The following SRSF4 variants were observed in gnomAD, a reference collection of about 807,000 sequenced individuals.
The protein encoded by SRSF4 is serine and arginine rich splicing factor 4.
In SRSF4, 12 loss-of-function variants were observed where a neutral mutation model predicts 48.8. The observed-to-expected ratio is 0.25, with a 90% CI of 0.16 to 0.40. The LOEUF (loss-of-function observed/expected upper bound fraction) is 0.40, where lower values mean the gene tolerates loss of function less well. Among genes scored for constraint, SRSF4 ranks in the 10% least tolerant of loss-of-function variants. The probability of loss-of-function intolerance (pLI) is 1.00; values close to 1 mark genes in which losing one functional copy is unlikely to be tolerated. For synonymous variants in SRSF4, 248 were observed against 232.5 expected, an observed-to-expected ratio of 1.07 and a Z score of -0.61; for missense variants, 466 against 667.1, an observed-to-expected ratio of 0.70 and a Z score of 3.32.
chr1:29,155,648 T>C (rs1466723217), intron 3 of SRSF4, among the ~76,000 whole-genome samples: 6 of 151,898 alleles, frequency 4.0e-5, no homozygotes, highest in African/African-American at 1.5e-4. Context: ...CGCGCCACCA[T>C]ACCCAGCTGA....
At chr1:29,161,641 CAGG>C (rs1672597916) in intron 1 of SRSF4, among the ~76,000 whole-genome samples, 1 of 152,220 alleles carries the variant, frequency 6.6e-6, no homozygotes, top group Non-Finnish European at 1.5e-5. Flanking sequence ...CGCTGTCGCC[CAGG>C]CTGGAGCGCA....
At chr1:29,174,617 G>GAA (rs755329393) in intron 1 of SRSF4, among the ~76,000 whole-genome samples, 1 of 139,286 alleles carries the variant, frequency 7.2e-6, no homozygotes, top group Non-Finnish European at 1.6e-5. Context: ...TCCAAGTTTG[G>GAA]AAAAAAAAAA....
intron 4 of SRSF4, among the ~76,000 whole-genome samples, chr1:29,151,435 T>A (rs909084531): frequency 6.6e-6 from 1 of 152,110 alleles, no homozygotes; most frequent in Non-Finnish European, 1.5e-5. Flanking sequence ...ACGCAGAGGC[T>A]GCAATGAGCT....
Position 29,151,862 on chromosome 1 carries a change from A to G in SRSF4, c.579-1670T>C, listed in dbSNP as rs537707931. On this transcript the variant is annotated intron_variant, in intron 4 of 5. Transcript: ENST00000373795. ...AAATGTACAGTGTGCTTGTATAAAT[A>G]CATACATACAAAGAGAGAAAAGGCA... Among the ~76,000 whole-genome samples the G allele has an allele frequency of 2.0e-5, 3 of 152,380 alleles. No homozygotes were observed. The South Asian group carries it at 6.2e-4, about 32-fold the overall frequency.
chr1:29,156,054 CA>C (rs1169097669), intron 3 of SRSF4, among the ~76,000 whole-genome samples: 6 of 152,078 alleles, frequency 3.9e-5, no homozygotes, highest in African/African-American at 9.7e-5. Flanking sequence ...CAAAACAGAA[CA>C]AAAAGAAATT....
intron 1 of SRSF4, among the ~76,000 whole-genome samples, chr1:29,176,032 C>A (rs996644132): frequency 2.0e-5 from 3 of 152,070 alleles, no homozygotes; most frequent in Non-Finnish European, 4.4e-5. Flanking sequence ...GCAGGTGGAT[C>A]ATGAGGTCAG....
At chr1:29,159,512 T>C in intron 2 of SRSF4, 26 bp from the exon 3 acceptor site, 1 of 1,563,422 alleles carries the variant, frequency 6.4e-7, no homozygotes, top group South Asian at 1.1e-5. Flanking sequence ...ATAAATAAGA[T>C]TATTTCAGTG....
intron 3 of SRSF4, 142 bp downstream of exon 3, chr1:29,159,232 C>T: frequency 3.6e-6 from 2 of 561,252 alleles, no homozygotes; most frequent in Non-Finnish European, 6.4e-6. Flanking sequence ...ACTCATATGG[C>T]ACTTTAATTA....
In SRSF4 at chr1:29,148,148, A is replaced by C; in HGVS notation, c.*262T>G. 1 of 615,330 alleles carries C rather than the reference A, an allele frequency of 1.6e-6. No individual in the cohort carries two copies. The highest frequency in any genetic ancestry group is 3.0e-6 in the Non-Finnish European group (1 of 332,270). 38.1% of individuals were successfully genotyped at this position (615,330 alleles called of 1,614,324 possible). ...TCCCTGTAGGAAAGGCCAGGCCTGA[A>C]AGCCAAGGCGTTTTGGATATTCTAC... On this transcript the variant is annotated 3_prime_UTR_variant, in exon 6 of 6. Transcript: ENST00000373795.
chr1:29,169,908 T>C (rs1672724422), intron 1 of SRSF4: 1 of 152,248 alleles, frequency 6.6e-6, no homozygotes, highest in Non-Finnish European at 1.5e-5. Flanking sequence ...TCTTACTCTG[T>C]AACTACTCTA....
intron 4 of SRSF4, among the ~76,000 whole-genome samples, chr1:29,150,889 C>G (rs770085558): frequency 2.0e-5 from 3 of 152,212 alleles, no homozygotes; most frequent in Non-Finnish European, 4.4e-5. Context: ...CCTCTCTGGG[C>G]AAGCCACCAT....
intron 1 of SRSF4, among the ~76,000 whole-genome samples, chr1:29,168,329 C>A (rs576485699): frequency 1.3e-5 from 2 of 152,142 alleles, no homozygotes; most frequent in East Asian, 3.9e-4. Flanking sequence ...CCATGCCCGG[C>A]CTTCTACTGT....
In SRSF4 at chr1:29,148,778, T is replaced by C; in HGVS notation, c.1117A>G (p.Lys373Glu). The C allele has an allele frequency of 6.2e-7, 1 of 1,613,484 alleles. No homozygotes were observed. The highest frequency in any genetic ancestry group is 8.5e-7 in the Non-Finnish European group (1 of 1,179,772). ...ESRSRSRSRS[K>E]SERSRKRGSK... ...CCTCGCTTTCTGCTCCTCTCACTCT[T>C]GCTGCGGCTGCGACTGCGACTGCGG... The change falls in exon 6 of 6, where the codon AAG becomes GAG. Residue 373 changes from lysine (K) to glutamate (E), a missense_variant. Lys to Glu is a moderately conservative substitution (Grantham distance 56, BLOSUM62 1). Coordinates refer to ENST00000373795, the MANE Select transcript of SRSF4 (RefSeq NM_005626.5).
intron 4 of SRSF4, among the ~76,000 whole-genome samples, chr1:29,154,098 G>T (rs1672458964): frequency 1.3e-5 from 2 of 151,938 alleles, no homozygotes; most frequent in South Asian, 4.1e-4. Context: ...TTGTTGCCCA[G>T]GCTGGAGTGC....
At position 29,181,628 on chromosome 1, in the gene SRSF4, C is replaced by T; in HGVS notation, c.107+18G>A. 6.4e-7 allele frequency: 1 copy of T among 1,573,118 alleles called. No individual in the cohort carries two copies. The highest frequency in any genetic ancestry group is 1.1e-5 in the South Asian group (1 of 87,056). ...GGGTCTGTCCCCGCCCGGCCGGACCCTCTTTCGCCCTCCTCACCCGTTCTT... is the reference window on the plus strand; with the variant it reads ...GGGTCTGTCCCCGCCCGGCCGGACCTTCTTTCGCCCTCCTCACCCGTTCTT... On this transcript the variant is annotated intron_variant, in intron 1 of 5. Coordinates refer to ENST00000373795, the MANE Select transcript of SRSF4 (RefSeq NM_005626.5).
chr1:29,177,719 C>G, intron 1 of SRSF4, among the ~76,000 whole-genome samples: 1 of 152,174 alleles, frequency 6.6e-6, no homozygotes, highest in African/African-American at 2.4e-5. Context: ...TTCTCTAGAA[C>G]AGTGGCAATC....
At chr1:29,154,653 G>GA (rs761582488) in intron 4 of SRSF4, 43 bp downstream of exon 4, 19 of 1,569,714 alleles carry the variant, frequency 1.2e-5, no homozygotes, top group Non-Finnish European at 1.6e-5. Context: ...GCTCACTAAT[G>GA]AATTTATGAT....
At chr1:29,162,099 T>TA (rs1279571698) in intron 1 of SRSF4, among the ~76,000 whole-genome samples, 1 of 152,004 alleles carries the variant, frequency 6.6e-6, no homozygotes, top group Non-Finnish European at 1.5e-5. Flanking sequence ...TCAACTCCAT[T>TA]AAAAAAAATT....
rs191059374 is a variant in SRSF4 at position 29,149,035 on chromosome 1, T to C, written c.860A>G (p.Lys287Arg). The C allele has an allele frequency of 6.2e-7, 1 of 1,613,732 alleles. No individual in the cohort carries two copies. Among genetic ancestry groups the C allele is most frequent in the East Asian group, 2.2e-5 (1 of 44,812 alleles). The change falls in exon 6 of 6, where the codon AAG (lysine) becomes AGG (arginine). Residue 287 changes from lysine (K) to arginine (R), a missense_variant. Around this residue, in one of 2 missense-constraint regions of SRSF4, gnomAD observed 402 missense variants for 437.0 expected, o/e 0.92. Coordinates refer to ENST00000373795, the MANE Select transcript of SRSF4 (RefSeq NM_005626.5). Reference protein sequence around the residue: ...IQNNDNVGKPKSRSPSRHKSK... With the variant: ...IQNNDNVGKPRSRSPSRHKSK... ...TTTATGCCTGCTAGGACTCCGGCTC[T>C]TGGGTTTCCCGACATTGTCATTGTT...
Sources: gnomAD v4.1 joint callset for allele counts (sites outside exome capture counted in the v4.1 genomes callset) on GRCh38, gnomAD v4.1.1 for gene constraint, gnomAD v4.1.1 regional missense constraint, MANE v1.5 for transcripts, NCBI Gene and HGNC (gene_info 2026-07-23, HGNC 2026-07-21) for gene names.